Variants in SNX8 observed in about 807,000 individuals in gnomAD.
The protein encoded by SNX8 is sorting nexin 8, also known as sorting nexin-8.
Under a neutral mutation model 51.6 loss-of-function variants are expected in SNX8, and 25 were observed. The ratio of observed to expected loss-of-function variants is 0.48; its 90% CI spans 0.35 to 0.68. The LOEUF (loss-of-function observed/expected upper bound fraction) is 0.68, where lower values mean the gene tolerates loss of function less well. Ranked by LOEUF, SNX8 falls within the 30% of genes least tolerant of loss-of-function variation. The pLI, the probability that SNX8 is intolerant of heterozygous loss-of-function variation, is 0.00. For missense variants in SNX8, 695 were observed against 624.0 expected (o/e 1.11, Z -1.21); for synonymous variants, 324 against 277.0 (o/e 1.17, Z -1.68).
intron 5 of SNX8, among the ~76,000 whole-genome samples, chr7:2,268,316 T>A (rs1483336673): frequency 7.3e-6 from 1 of 137,198 alleles, no homozygotes; most frequent in Admixed American, 7.2e-5. Flanking sequence ...AACCACCCCG[T>A]CTGAGAAGTG....
intron 1 of SNX8, among the ~76,000 whole-genome samples, chr7:2,320,059 T>C (rs568615877): frequency 4.7e-4 from 71 of 151,864 alleles, no homozygotes; most frequent in Non-Finnish European, 7.8e-4. Flanking sequence ...ATTGTATTTT[T>C]ACATTTTACA....
intron 1 of SNX8, among the ~76,000 whole-genome samples, chr7:2,329,750 C>G (rs1474194437): frequency 6.6e-6 from 1 of 151,812 alleles, no homozygotes; most frequent in Non-Finnish European, 1.5e-5. Context: ...GAAAGTGGCA[C>G]GGGGAGGGGT....
At chr7:2,340,751 G>A (rs1335400732) in intron 1 of SNX8, among the ~76,000 whole-genome samples, 3 of 149,900 alleles carry the variant, frequency 2.0e-5, no homozygotes, top group African/African-American at 4.9e-5. Flanking sequence ...CAGCTACTCA[G>A]GAGGCTGTAG....
At chr7:2,304,590 A>ATAC (rs1301224193) in intron 1 of SNX8, among the ~76,000 whole-genome samples, 1 of 152,118 alleles carries the variant, frequency 6.6e-6, no homozygotes, top group Non-Finnish European at 1.5e-5. Flanking sequence ...GCAGATGGGA[A>ATAC]TACGGTCCCC....
Position 2,254,870 on chromosome 7 carries a change from T to C in SNX8, c.*186A>G. On this transcript the variant is annotated 3_prime_UTR_variant, in exon 11 of 11. Transcript: ENST00000222990. ...GCAGGCCACAGGGCGAAGGACAGTG[T>C]GGCCCAGCTGCCCCCATGGTCCACG... 2 of 621,426 alleles carry C rather than the reference T, an allele frequency of 3.2e-6. No homozygotes were observed. The highest frequency in any genetic ancestry group is 5.8e-6 in the Non-Finnish European group (2 of 342,466). The allele number at this position is 621,426 out of a possible 1,614,324, so 38.5% of individuals were successfully genotyped here.
At chr7:2,304,742 TGAG>T (rs1796509238) in intron 1 of SNX8, among the ~76,000 whole-genome samples, 1 of 152,092 alleles carries the variant, frequency 6.6e-6, no homozygotes. Flanking sequence ...CATGCCGTCC[TGAG>T]ATAAGAAACT....
chr7:2,283,442 G>A (rs972064545), intron 1 of SNX8, among the ~76,000 whole-genome samples: 5 of 152,248 alleles, frequency 3.3e-5, no homozygotes, highest in East Asian at 1.9e-4. Flanking sequence ...TCCCCGTGCC[G>A]ATGGAGAGGC....
intron 3 of SNX8, among the ~76,000 whole-genome samples, chr7:2,273,265 C>T (rs896258391): frequency 1.3e-5 from 2 of 151,842 alleles, no homozygotes; most frequent in African/African-American, 4.8e-5. Flanking sequence ...GCCTGGCCAG[C>T]GTAGCGAAAC....
intron 1 of SNX8, among the ~76,000 whole-genome samples, chr7:2,331,834 C>T (rs757698759): frequency 1.3e-5 from 2 of 151,960 alleles, no homozygotes; most frequent in Non-Finnish European, 2.9e-5. Context: ...GAGTCAAGAT[C>T]ACGCCACTGC....
In SNX8 at chr7:2,256,283, G is replaced by A. The variant is rs542712764; in HGVS notation, c.1284+591C>T. 5.3e-5 allele frequency among the ~76,000 whole-genome samples: 8 copies of A among 152,316 alleles called. No individual in the cohort carries two copies. The South Asian group carries it at 1.7e-3, about 32-fold the overall frequency. ...AGTGTGGAATCTCGTGACCACCCCA[G>A]ACACTCGGTGCCATTCCACACACAC... On this transcript the variant is annotated intron_variant, in intron 10 of 10. Coordinates refer to ENST00000222990, the MANE Select transcript of SNX8 (RefSeq NM_013321.4).
chr7:2,345,641 A>G (rs1012446934), intron 1 of SNX8, among the ~76,000 whole-genome samples: 1 of 151,346 alleles, frequency 6.6e-6, no homozygotes, highest in African/African-American at 2.4e-5. Flanking sequence ...TCGTGCCACT[A>G]CACACTCTAG....
chr7:2,335,662 G>A (rs1422149424), intron 1 of SNX8, among the ~76,000 whole-genome samples: 1 of 152,014 alleles, frequency 6.6e-6, no homozygotes, highest in African/African-American at 2.4e-5. Context: ...AATTAGCTGG[G>A]CGTGGTGGCA....
chr7:2,284,834 C>T (rs1190138247), intron 1 of SNX8, among the ~76,000 whole-genome samples: 2 of 152,124 alleles, frequency 1.3e-5, no homozygotes, highest in Non-Finnish European at 2.9e-5. Context: ...TTCCTTCTTC[C>T]GCTCATAAAC....
At chr7:2,334,946 T>A (rs1354866328) in intron 1 of SNX8, among the ~76,000 whole-genome samples, 1 of 144,792 alleles carries the variant, frequency 6.9e-6, no homozygotes, top group African/African-American at 2.6e-5. Flanking sequence ...TAGCCAGAGG[T>A]ACAATTTGGG....
chr7:2,309,424 G>A (rs1796615724), intron 1 of SNX8, among the ~76,000 whole-genome samples: 1 of 152,138 alleles, frequency 6.6e-6, no homozygotes, highest in Non-Finnish European at 1.5e-5. Flanking sequence ...TACTGGGGAG[G>A]CTGAGGCACA....
chr7:2,284,453 G>A (rs962638751), intron 1 of SNX8, among the ~76,000 whole-genome samples: 3 of 141,828 alleles, frequency 2.1e-5, no homozygotes, highest in South Asian at 2.2e-4. Flanking sequence ...CCAGGCTGGA[G>A]TGCAATGGTG....
chr7:2,265,497 T>TAGCC (rs1414059983), intron 5 of SNX8, among the ~76,000 whole-genome samples: 2 of 150,198 alleles, frequency 1.3e-5, no homozygotes, highest in Non-Finnish European at 3.0e-5. Flanking sequence ...ATCAAAAAAT[T>TAGCC]AGCCAGGCGT....
intron 1 of SNX8, chr7:2,337,164 G>C (rs563665359): frequency 5.9e-5 from 9 of 152,144 alleles, no homozygotes; most frequent in Admixed American, 2.0e-4. Flanking sequence ...TATAAGATCC[G>C]TGCATTCCAG....
rs919679902 is a variant in SNX8, at chr7:2,299,428, A to G, written c.94+14900T>C. 2.0e-5 allele frequency: 3 copies of G among 152,206 alleles called. No individual in the cohort carries two copies. The East Asian group carries it at 5.8e-4, about 29-fold the overall frequency. 9.4% of individuals were successfully genotyped at this position (152,206 alleles called of 1,614,324 possible). Reference sequence around the variant, plus strand: ...GGACATCAGAGCCATCCGTCCCACCAATCCCCCGGAACCCCCTTCTGAAAG... The same window carrying G: ...GGACATCAGAGCCATCCGTCCCACCGATCCCCCGGAACCCCCTTCTGAAAG... On this transcript the variant is annotated intron_variant, in intron 1 of 10. Coordinates refer to ENST00000222990, the MANE Select transcript of SNX8 (RefSeq NM_013321.4).
Sources: gnomAD v4.1 joint callset for allele counts (sites outside exome capture counted in the v4.1 genomes callset) on GRCh38, gnomAD v4.1.1 for gene constraint, MANE v1.5 for transcripts, NCBI Gene and HGNC (gene_info 2026-07-23, HGNC 2026-07-21) for gene names.